The following EIF4G1 variants were observed in gnomAD, a reference collection of about 807,000 sequenced individuals.
EIF4G1 encodes EIF4-gamma.
Under a neutral mutation model 187.8 loss-of-function variants are expected in EIF4G1, and 4 were observed. The ratio of observed to expected loss-of-function variants is 0.02; its 90% confidence interval spans 0.01 to 0.05. EIF4G1 has a LOEUF of 0.05. Ranked by LOEUF, EIF4G1 falls within the 10% of genes least tolerant of loss-of-function variation. EIF4G1 has a pLI of 1.00. For synonymous variants in EIF4G1, 844 were observed against 781.4 expected, an observed-to-expected ratio of 1.08 and a Z score of -1.34; for missense variants, 1,647 against 2,081.1, an observed-to-expected ratio of 0.79 and a Z score of 4.06.
chr3:184,319,261 T>C, intron 6 of EIF4G1: 1 of 200,830 alleles, frequency 5.0e-6, no homozygotes, highest in East Asian at 1.3e-4. Context: ...GATCTCTTTC[T>C]CTCATTACCA....
At chr3:184,320,860 A>G (rs1723773927) in intron 8 of EIF4G1, 67 bp from the exon 9 acceptor site, 2 of 1,609,970 alleles carry the variant, frequency 1.2e-6, no homozygotes, top group Non-Finnish European at 1.7e-6. Flanking sequence ...TAAAGTAGAA[A>G]TGGCTCTAGT....
Position 184,315,480 on chromosome 3 carries a change from C to CA in EIF4G1, c.-91-7dup. 1 of 639,084 alleles carries CA rather than the reference C, an allele frequency of 1.6e-6. No homozygotes were observed. The highest frequency in any genetic ancestry group is 3.0e-6 in the Non-Finnish European group (1 of 337,710). 39.6% of individuals were successfully genotyped at this position (639,084 alleles called of 1,614,324 possible). A position where few individuals can be genotyped will look rare whatever the true frequency, so the allele number is the denominator to read the frequency against. On this transcript the variant is annotated splice_polypyrimidine_tract_variant and intron_variant, in intron 1 of 32. Transcript: ENST00000346169. ...GAGCCAGGTTGATACCCTCACCTCC[C>CA]AACCCCAGGCCCTCGGATGCCCAGA...
intron 28 of EIF4G1, among the ~76,000 whole-genome samples, chr3:184,329,992 G>A (rs1725720496): frequency 6.6e-6 from 1 of 152,180 alleles, no homozygotes; most frequent in South Asian, 2.1e-4. Context: ...CGTGTACCAG[G>A]ACAAGTTGTT....
In EIF4G1 at chr3:184,319,783, C is replaced by G. The variant is rs774017243; in HGVS notation, c.519C>G (p.Pro173=). 6.2e-7 allele frequency: 1 copy of G among 1,603,358 alleles called. No individual in the cohort carries two copies. The highest frequency in any genetic ancestry group is 8.5e-7 in the Non-Finnish European group (1 of 1,175,026). The change falls in exon 7 of 33, where the codon CCC becomes CCG. Residue 173 remains proline (P), a synonymous_variant. Transcript: ENST00000346169. ...VLMNQPPQIA[P]KRERKTIRIR... ...TGAACCAGCCACCCCAGATTGCTCC[C>G]AAGAGGGAGCGTAAGACGGTGAGTA...
chr3:184,327,038 C>T, intron 23 of EIF4G1, 55 bp downstream of exon 23: 1 of 1,609,802 alleles, frequency 6.2e-7, no homozygotes, highest in South Asian at 1.1e-5. Context: ...TGATTGGGTT[C>T]TGGTTGTTGC....
chr3:184,329,879 A>G (rs893650568), intron 28 of EIF4G1, among the ~76,000 whole-genome samples: 1 of 152,164 alleles, frequency 6.6e-6, no homozygotes, highest in Middle Eastern at 3.2e-3. Context: ...AGTTGGGGTG[A>G]GTGTGTGCAG....
intron 4 of EIF4G1, 140 bp from the exon 5 acceptor site, chr3:184,317,181 C>A (rs1577183682): frequency 2.0e-6 from 2 of 986,848 alleles, no homozygotes; most frequent in Non-Finnish European, 3.2e-6. Context: ...GCCATTTGGT[C>A]AAGTGGTCTT....
Position 184,331,355 on chromosome 3 carries a change from C to T in EIF4G1, c.4251C>T (p.Val1417=), listed in dbSNP as rs76779558. 0.02 allele frequency: 31,670 copies of T among 1,614,156 alleles called. 379 individuals are homozygous for T. The highest frequency in any genetic ancestry group is 0.064 in the Middle Eastern group (387 of 6,062). The change falls in exon 29 of 33, where the codon GTC becomes GTT. Residue 1417 remains valine (V), a synonymous_variant. Transcript: ENST00000346169. ...LPEGQDIGAF[V]AEQKVEYTLG... ...AAGGCCAGGACATTGGTGCATTCGT[C>T]GCTGAACAGGTTTGGGGATGGAGTT... is the stretch of plus-strand genomic sequence containing the variant.
chr3:184,326,732 T>TGC, intron 22 of EIF4G1, 103 bp downstream of exon 22: 2 of 1,494,756 alleles, frequency 1.3e-6, no homozygotes, highest in South Asian at 2.3e-5. Context: ...GGTTAGGCAA[T>TGC]GCGGGCAATA....
intron 22 of EIF4G1, 85 bp downstream of exon 22, chr3:184,326,714 T>C (rs1410574345): frequency 3.5e-5 from 53 of 1,536,208 alleles, no homozygotes; most frequent in Non-Finnish European, 4.6e-5. Flanking sequence ...AGGCCTTCAG[T>C]ACAAGGTGGT....
At chr3:184,326,313 G>A (rs1445770133) in intron 21 of EIF4G1, among the ~76,000 whole-genome samples, 7 of 152,204 alleles carry the variant, frequency 4.6e-5, no homozygotes, top group Non-Finnish European at 5.9e-5. Context: ...AAGTTTTATT[G>A]GAACACAGTC....
At chr3:184,315,110 G>A (rs1577173131) in intron 1 of EIF4G1, 1 of 328,328 alleles carries the variant, frequency 3.0e-6, no homozygotes, top group Non-Finnish European at 5.9e-6. Flanking sequence ...GGAGGGAGGC[G>A]GTGGCGGCGG....
chr3:184,315,712 G>T, intron 2 of EIF4G1, 51 bp from the exon 3 acceptor site: 3 of 1,395,672 alleles, frequency 2.1e-6, no homozygotes, highest in Non-Finnish European at 3.0e-6. Context: ...CGCCCCATTT[G>T]CCTTAAGCTT....
In EIF4G1 at chr3:184,334,589, A is replaced by C. The variant is rs992818243; in HGVS notation, c.4619-138A>C. On this transcript the variant is annotated intron_variant, in intron 32 of 32. Transcript: ENST00000346169. This position sits in a 1 kb window ranked among gnomAD's most constrained non-coding sequence, Gnocchi z 5.8. ...GAGATTAGCATCCTGTCAGAGGCCT[A>C]GTCACTCTGGAATGGCCACAAATGT... 2 of 939,208 alleles carry C rather than the reference A, an allele frequency of 2.1e-6. No individual in the cohort carries two copies. The highest frequency in any genetic ancestry group is 3.4e-6 in the Non-Finnish European group (2 of 592,424). 58.2% of individuals were successfully genotyped at this position (939,208 alleles called of 1,614,324 possible).
intron 29 of EIF4G1, 35 bp from the exon 30 acceptor site, chr3:184,331,437 C>A (rs148779251): frequency 6.2e-7 from 1 of 1,614,182 alleles, no homozygotes; most frequent in African/African-American, 1.3e-5. Flanking sequence ...CTGTTGGCAA[C>A]CTTACCTCTT....
At chr3:184,324,055 T>C in intron 16 of EIF4G1, 78 bp downstream of exon 16, 3 of 1,607,436 alleles carry the variant, frequency 1.9e-6, no homozygotes, top group Non-Finnish European at 2.6e-6. Flanking sequence ...TCCAGCTTCT[T>C]GGTTCCCCTC....
intron 30 of EIF4G1, 42 bp downstream of exon 30, chr3:184,331,648 A>AGGGTGG: frequency 5.6e-6 from 2 of 354,034 alleles, no homozygotes; most frequent in South Asian, 2.1e-5. Flanking sequence ...GGTAGTTCTT[A>AGGGTGG]GGGTGGGGGT....
At chr3:184,315,346 G>C (rs1348481657) in intron 1 of EIF4G1, 143 bp from the exon 2 acceptor site, 3 of 518,914 alleles carry the variant, frequency 5.8e-6, no homozygotes, top group South Asian at 2.8e-5. Flanking sequence ...GGTGTCCCCG[G>C]GTGGGGGGTG....
In EIF4G1 at chr3:184,323,270, G is replaced by A. The variant is rs779024564; in HGVS notation, c.2088+29G>A. 16 of 1,613,860 alleles carry A rather than the reference G, an allele frequency of 9.9e-6. No homozygotes were observed. The Middle Eastern group carries it at 8.3e-4, about 83-fold the overall frequency. On this transcript the variant is annotated intron_variant, in intron 14 of 32. Transcript: ENST00000346169. The surrounding 1 kb of genome is among the most constrained non-coding windows in gnomAD (Gnocchi z 6.9). Reference sequence around the variant, plus strand: ...AGTGGGGCTGGGTAAAGTGGCAGGTGGGCAAGGAGTGGGAGTGGATGATTC... The same window carrying A: ...AGTGGGGCTGGGTAAAGTGGCAGGTAGGCAAGGAGTGGGAGTGGATGATTC...
Sources: gnomAD v4.1 joint callset for allele counts (sites outside exome capture counted in the v4.1 genomes callset) on GRCh38, gnomAD v4.1.1 for gene constraint, Gnocchi (gnomAD v3.1) non-coding constraint, MANE v1.5 for transcripts, NCBI Gene and HGNC (gene_info 2026-07-23, HGNC 2026-07-21) for gene names.